AGAP1: variants seen among roughly 807,000 people sequenced by gnomAD.
The protein encoded by AGAP1 is ArfGAP with GTPase domain, ankyrin repeat and PH domain 1, also known as arf-GAP with GTPase, ANK repeat and PH domain-containing protein 1.
A neutral mutation model predicts 105.3 loss-of-function variants in AGAP1; 29 were observed. That is an observed-to-expected ratio of 0.28 (90% CI 0.21 to 0.38). The LOEUF (loss-of-function observed/expected upper bound fraction) is 0.38, where lower values mean the gene tolerates loss of function less well. AGAP1 is among the 10% of genes least tolerant of loss of function. The probability of loss-of-function intolerance (pLI) is 1.00; values close to 1 mark genes in which losing one functional copy is unlikely to be tolerated. For synonymous variants in AGAP1, 509 were observed against 485.9 expected, an observed-to-expected ratio of 1.05 and a Z score of -0.63; for missense variants, 998 against 1,165.1, an observed-to-expected ratio of 0.86 and a Z score of 2.09.
chr2:235,674,094 A>T (rs79882898), intron 1 of AGAP1, among the ~76,000 whole-genome samples: 1 of 152,190 alleles, frequency 6.6e-6, no homozygotes, highest in Non-Finnish European at 1.5e-5. Flanking sequence ...CTTTTGTAGG[A>T]TGATTCTCTT....
chr2:235,755,463 G>A (rs547058084), intron 6 of AGAP1, among the ~76,000 whole-genome samples: 14 of 151,482 alleles, frequency 9.2e-5, no homozygotes, highest in African/African-American at 3.1e-4. Context: ...CCCTTTTTTC[G>A]AGGCAGGGTC....
intron 1 of AGAP1, among the ~76,000 whole-genome samples, chr2:235,563,460 C>G (rs552457759): frequency 6.6e-6 from 1 of 152,158 alleles, no homozygotes; most frequent in African/African-American, 2.4e-5. Flanking sequence ...ACTAAGATGC[C>G]TCGGCTCCTT....
intron 6 of AGAP1, among the ~76,000 whole-genome samples, chr2:235,782,320 T>C (rs555456936): frequency 6.6e-6 from 1 of 152,354 alleles, no homozygotes; most frequent in Admixed American, 6.5e-5. Context: ...GGTAATGTCT[T>C]TACCATCTTT....
At chr2:235,694,651 G>A (rs1186017376) in intron 1 of AGAP1, among the ~76,000 whole-genome samples, 5 of 149,558 alleles carry the variant, frequency 3.3e-5, no homozygotes, top group African/African-American at 1.3e-4. Flanking sequence ...CCGCCTCAGG[G>A]AGAAAAAAAA....
rs922385851 is a variant in AGAP1, at chr2:235,664,362, C to A, written c.164-44817C>A. ...AGGTAGCTGGGATTACAGGTGCACA[C>A]CACCACGCCCAGCTAATTTTTTTTG... On this transcript the variant is annotated intron_variant, in intron 1 of 17. Coordinates refer to ENST00000304032, the MANE Select transcript of AGAP1 (RefSeq NM_001037131.3). The surrounding 1 kb of genome is among the most constrained non-coding windows in gnomAD (Gnocchi z 5.7). Among the ~76,000 whole-genome samples the A allele has an allele frequency of 5.9e-5, 9 of 152,004 alleles. No individual in the cohort carries two copies. The highest frequency in any genetic ancestry group is 1.2e-4 in the Non-Finnish European group (8 of 68,004).
At chr2:235,781,953 C>T (rs1559480242) in intron 6 of AGAP1, among the ~76,000 whole-genome samples, 1 of 152,136 alleles carries the variant, frequency 6.6e-6, no homozygotes, top group Non-Finnish European at 1.5e-5. Context: ...AGCTGTGATG[C>T]CCTTTAACTT....
rs1018577377 is a variant in AGAP1 at position 235,574,920 on chromosome 2, C to G, written c.163+80071C>G. On this transcript the variant is annotated intron_variant, in intron 1 of 17. Transcript: ENST00000304032. The surrounding 1 kb of genome is among the most constrained non-coding windows in gnomAD (Gnocchi z 5.0). Reference sequence around the variant, plus strand: ...AATGGATCACTTGAGCTCAGGAGTTCGACACCAGCCTAGGCAACATGGCAA... The same window carrying G: ...AATGGATCACTTGAGCTCAGGAGTTGGACACCAGCCTAGGCAACATGGCAA... 3.3e-5 allele frequency among the ~76,000 whole-genome samples: 5 copies of G among 152,044 alleles called. No homozygotes were observed. The highest frequency in any genetic ancestry group is 2.0e-4 in the Admixed American group (3 of 15,262).
chr2:235,496,794 G>GT (rs1048514657), intron 1 of AGAP1, among the ~76,000 whole-genome samples: 29 of 151,784 alleles, frequency 1.9e-4, no homozygotes, highest in African/African-American at 6.0e-4. Context: ...CTAGATGATG[G>GT]TTTTTTTTGA....
At chr2:235,518,234 G>T (rs1942476662) in intron 1 of AGAP1, among the ~76,000 whole-genome samples, 1 of 152,212 alleles carries the variant, frequency 6.6e-6, no homozygotes, top group Non-Finnish European at 1.5e-5. Flanking sequence ...AGACAGTGGA[G>T]CTGTTTACAC....
intron 1 of AGAP1, among the ~76,000 whole-genome samples, chr2:235,515,528 C>T (rs923092993): frequency 1.3e-5 from 2 of 152,176 alleles, no homozygotes; most frequent in Non-Finnish European, 1.5e-5. Flanking sequence ...GGAAGGGCCT[C>T]GAGCTGTTCT....
At chr2:236,079,263 T>G (rs1490149634) in intron 16 of AGAP1, among the ~76,000 whole-genome samples, 3,268 of 151,636 alleles carry the variant, frequency 0.022, 51 homozygotes, top group African/African-American at 0.046. Flanking sequence ...CTTACACCTG[T>G]AATCCCAGCA....
In AGAP1 at chr2:235,807,339, G is replaced by GC; in HGVS notation, c.1050+10dup. The GC allele has an allele frequency of 6.3e-7, 1 of 1,581,324 alleles. No homozygotes were observed. Among genetic ancestry groups the GC allele is most frequent in the Non-Finnish European group, 8.5e-7 (1 of 1,170,394 alleles). ...GCCATCCCAATTAAACAGGTGAGCA[G>GC]CCTCCCCATCCTTCCCTCCCTGTCG... On this transcript the variant is annotated intron_variant, in intron 9 of 17. Transcript: ENST00000304032.
chr2:235,831,521 T>C (rs1959407479), intron 9 of AGAP1, among the ~76,000 whole-genome samples: 2 of 152,216 alleles, frequency 1.3e-5, no homozygotes, highest in South Asian at 2.1e-4. Context: ...ACTGCCTCTA[T>C]AGTTTTTCCT....
chr2:235,706,224 T>A (rs1950526152), intron 1 of AGAP1, among the ~76,000 whole-genome samples: 1 of 152,150 alleles, frequency 6.6e-6, no homozygotes, highest in African/African-American at 2.4e-5. Context: ...TTTGTTTGTT[T>A]GTTTGTTTTT....
intron 3 of AGAP1, chr2:235,718,463 T>C: frequency 1.1e-6 from 1 of 903,524 alleles, no homozygotes; most frequent in South Asian, 5.1e-5. Flanking sequence ...CACTTTGTAC[T>C]GTAGCGTTCC....
intron 1 of AGAP1, among the ~76,000 whole-genome samples, chr2:235,699,706 G>A (rs1950162842): frequency 6.6e-6 from 1 of 152,208 alleles, no homozygotes; most frequent in Non-Finnish European, 1.5e-5. Context: ...CCCATAGGAT[G>A]GGCAGGCCAT....
intron 6 of AGAP1, among the ~76,000 whole-genome samples, chr2:235,771,988 T>TC (rs1322889927): frequency 6.9e-6 from 1 of 144,700 alleles, no homozygotes; most frequent in Non-Finnish European, 1.5e-5. Flanking sequence ...TTTTTTTTTT[T>TC]CTTTTCTTAT....
rs1426652514 is a variant in AGAP1 at position 235,720,217 on chromosome 2, A to G, written c.310+2573A>G. On this transcript the variant is annotated intron_variant, in intron 3 of 17. Coordinates refer to ENST00000304032, the MANE Select transcript of AGAP1 (RefSeq NM_001037131.3). This position sits in a 1 kb window ranked among gnomAD's most constrained non-coding sequence, Gnocchi z 5.0. The stretch of plus-strand genomic sequence containing the variant: ...TCCCTCTCATGCTCAGGGAGCCTGT[A>G]CCTGGAAAGTGATTTCAATTTTTGT... Among the ~76,000 whole-genome samples, 4 of 152,222 alleles carry G rather than the reference A, an allele frequency of 2.6e-5. No individual in the cohort carries two copies. In the East Asian group the frequency reaches 5.8e-4, roughly 22 times the overall value.
intron 16 of AGAP1, among the ~76,000 whole-genome samples, chr2:236,097,292 G>C (rs1261121928): frequency 6.6e-6 from 1 of 151,298 alleles, no homozygotes; most frequent in African/African-American, 2.4e-5. Context: ...TCACACAGTG[G>C]CGTCTGTCTG....
Sources: allele counts gnomAD v4.1 joint callset (sites outside exome capture counted in the v4.1 genomes callset), GRCh38; gene constraint gnomAD v4.1.1; non-coding constraint Gnocchi (gnomAD v3.1); transcripts MANE v1.5; gene names NCBI Gene and HGNC (gene_info 2026-07-23, HGNC 2026-07-21).